The following POLA1 variants were observed in gnomAD, a reference collection of about 807,000 sequenced individuals.
The protein encoded by POLA1 is DNA polymerase alpha catalytic subunit.
In POLA1, 15 loss-of-function variants were observed where a neutral mutation model predicts 124.0. That is an observed-to-expected ratio of 0.12 (90% CI 0.08 to 0.19). The LOEUF (loss-of-function observed/expected upper bound fraction) is 0.19. POLA1 is among the 10% of genes least tolerant of loss of function. The probability of loss-of-function intolerance (pLI) is 1.00; values close to 1 mark genes in which losing one functional copy is unlikely to be tolerated. For missense variants in POLA1, 886 were observed against 1,103.4 expected, an observed-to-expected ratio of 0.80 and a Z score of 2.79; for synonymous variants, 408 against 389.4, an observed-to-expected ratio of 1.05 and a Z score of -0.56.
intron 36 of POLA1, among the ~76,000 whole-genome samples, chrX:24,944,604 A>G (rs1461194561): frequency 1.3e-4 from 14 of 111,827 alleles, no homozygotes; most frequent in Admixed American, 1.2e-3. Flanking sequence ...GCAGAGTGTC[A>G]CTGTAACATG....
chrX:24,698,853 A>G (rs992822298), intron 1 of POLA1, among the ~76,000 whole-genome samples: 3 of 110,525 alleles, frequency 2.7e-5, no homozygotes, highest in Admixed American at 9.7e-5. Context: ...GGGTTTCACC[A>G]TGTTGGCCAG....
intron 29 of POLA1, among the ~76,000 whole-genome samples, chrX:24,813,072 G>A (rs769612248): frequency 4.6e-4 from 51 of 111,417 alleles, no homozygotes; most frequent in Non-Finnish European, 7.9e-4. Context: ...TTTGCTCAGT[G>A]AGAAATGCCT....
intron 26 of POLA1, among the ~76,000 whole-genome samples, chrX:24,765,577 G>A (rs1214824704): frequency 2.7e-5 from 3 of 111,316 alleles, no homozygotes; most frequent in Non-Finnish European, 5.7e-5. Flanking sequence ...AATTACAGGC[G>A]TGAGCCACTG....
chrX:24,779,193 C>T (rs890800158), intron 26 of POLA1, among the ~76,000 whole-genome samples: 1 of 110,773 alleles, frequency 9.0e-6, no homozygotes, highest in Non-Finnish European at 1.9e-5. Context: ...ATTCTCCTGC[C>T]TCAGCTTCCT....
chrX:24,754,419 G>A (rs1382135849), intron 26 of POLA1, among the ~76,000 whole-genome samples: 2 of 108,814 alleles, frequency 1.8e-5, no homozygotes, highest in African/African-American at 3.4e-5. Flanking sequence ...CACCACACTC[G>A]GCTAATTTTG....
At position 24,723,187 on chromosome X, in the gene POLA1, G is replaced by A; in HGVS notation, c.1120G>A (p.Glu374Lys). ...VVFLFGKVWIESAETHVSCCV... is the reference protein window; with the variant it reads ...VVFLFGKVWIKSAETHVSCCV... ...ATTTCTGTTTGGGAAAGTTTGGATT[G>A]AATCAGCCGAGACCCATGTGAGCTG... Residue 374 changes from glutamate to lysine, a missense_variant, in exon 11 of 37, where the codon GAA becomes AAA. Physicochemically the swap from Glu to Lys is moderately conservative, Grantham distance 56 (BLOSUM62 1). Coordinates refer to ENST00000379068, the MANE Select transcript of POLA1 (RefSeq NM_001330360.2). The A allele has an allele frequency of 8.3e-7, 1 of 1,206,082 alleles. No individual in the cohort carries two copies. Among genetic ancestry groups the A allele is most frequent in the Non-Finnish European group, 1.1e-6 (1 of 890,349 alleles).
At chrX:24,825,527 T>C (rs1292691527) in intron 31 of POLA1, among the ~76,000 whole-genome samples, 1 of 112,500 alleles carries the variant, frequency 8.9e-6, no homozygotes, top group African/African-American at 3.2e-5. Flanking sequence ...CTTACTAGTT[T>C]GAATATTAAA....
chrX:24,928,359 A>G (rs1402114784), intron 35 of POLA1, among the ~76,000 whole-genome samples: 1 of 111,986 alleles, frequency 8.9e-6, no homozygotes. Flanking sequence ...AGCACTTTGC[A>G]TTTCTGAATT....
chrX:24,815,811 G>C (rs2045981634), intron 30 of POLA1, among the ~76,000 whole-genome samples: 1 of 111,834 alleles, frequency 8.9e-6, no homozygotes. Flanking sequence ...ACAGTAAATG[G>C]AAGTTTTAGA....
chrX:24,728,742 C>T (rs1930705695), intron 15 of POLA1, among the ~76,000 whole-genome samples: 1 of 112,040 alleles, frequency 8.9e-6, no homozygotes, highest in Non-Finnish European at 1.9e-5. Flanking sequence ...AGCCTGCTAC[C>T]TATTTGTGCA....
chrX:24,695,726 T>C (rs112583478), intron 1 of POLA1, among the ~76,000 whole-genome samples: 6,570 of 111,392 alleles, frequency 0.059, 349 homozygotes, highest in African/African-American at 0.17. Context: ...GATCCACCTG[T>C]CTCTTCCTCC....
intron 26 of POLA1, among the ~76,000 whole-genome samples, chrX:24,767,260 T>G (rs1932926334): frequency 8.9e-6 from 1 of 111,943 alleles, no homozygotes; most frequent in Non-Finnish European, 1.9e-5. Flanking sequence ...GTAGCTATAG[T>G]TAAATACTAT....
At chrX:24,792,994 C>T (rs1376283902) in intron 26 of POLA1, among the ~76,000 whole-genome samples, 1 of 110,918 alleles carries the variant, frequency 9.0e-6, no homozygotes, top group African/African-American at 3.3e-5. Flanking sequence ...TTCTTATTTA[C>T]AAGTCTTAAA....
At chrX:24,771,161 A>G (rs761510512) in intron 26 of POLA1, among the ~76,000 whole-genome samples, 9 of 111,359 alleles carry the variant, frequency 8.1e-5, no homozygotes, top group African/African-American at 2.9e-4. Context: ...TGAAATGACT[A>G]CTAGTAATCT....
chrX:24,700,691 T>C (rs1338534637), intron 2 of POLA1, among the ~76,000 whole-genome samples: 1 of 111,646 alleles, frequency 9.0e-6, no homozygotes, highest in Non-Finnish European at 1.9e-5. Context: ...GTATTTTTAG[T>C]AGAGACGGGC....
chrX:24,970,578 A>G (rs1399952066), intron 36 of POLA1, among the ~76,000 whole-genome samples: 1 of 111,433 alleles, frequency 9.0e-6, no homozygotes, highest in African/African-American at 3.3e-5. Flanking sequence ...TCTAATATCC[A>G]GAGTCTACAA....
At chrX:24,943,037 C>G (rs1016954304) in intron 36 of POLA1, among the ~76,000 whole-genome samples, 1 of 112,544 alleles carries the variant, frequency 8.9e-6, no homozygotes, top group African/African-American at 3.2e-5. Context: ...ACTCTCCACT[C>G]TCCACTGTAA....
At chrX:24,722,016 C>T (rs1011892384) in intron 10 of POLA1, among the ~76,000 whole-genome samples, 1 of 110,940 alleles carries the variant, frequency 9.0e-6, no homozygotes, top group Non-Finnish European at 1.9e-5. Context: ...AGCTGAAAGT[C>T]TCACAACTCT....
chrX:24,854,203 G>C (rs1179156706), intron 34 of POLA1, among the ~76,000 whole-genome samples: 3 of 110,687 alleles, frequency 2.7e-5, no homozygotes, highest in Non-Finnish European at 5.7e-5. Context: ...CCACCACCAC[G>C]CTCGGCTAAT....
Sources: gnomAD v4.1 joint callset for allele counts (sites outside exome capture counted in the v4.1 genomes callset) on GRCh38, gnomAD v4.1.1 for gene constraint, MANE v1.5 for transcripts, NCBI Gene and HGNC (gene_info 2026-07-23, HGNC 2026-07-21) for gene names.